MYT1L: variants seen among roughly 807,000 people sequenced by gnomAD.
MYT1L encodes myelin transcription factor 1 like.
In MYT1L, 12 loss-of-function variants were observed where a neutral mutation model predicts 126.7. That is an observed-to-expected ratio of 0.09 (90% CI 0.06 to 0.15). The LOEUF is 0.15. Among genes scored for constraint, MYT1L ranks in the 10% least tolerant of loss-of-function variants. MYT1L has a pLI of 1.00. For synonymous variants in MYT1L, 541 were observed against 604.2 expected (o/e 0.90, Z 1.53); for missense variants, 979 against 1,585.2 (o/e 0.62, Z 6.49).
chr2:1,994,282 C>A (rs999161140), intron 5 of MYT1L, among the ~76,000 whole-genome samples: 1 of 152,102 alleles, frequency 6.6e-6, no homozygotes, highest in East Asian at 1.9e-4. Flanking sequence ...CTCCCTCCTC[C>A]CAGCGAGTCC....
At chr2:2,106,150 C>A (rs952968968) in intron 3 of MYT1L, among the ~76,000 whole-genome samples, 4 of 152,166 alleles carry the variant, frequency 2.6e-5, no homozygotes, top group Admixed American at 1.3e-4. Context: ...CGACCAGAAG[C>A]CCCGAGCAAA....
At chr2:2,120,979 G>A (rs2080913311) in intron 3 of MYT1L, among the ~76,000 whole-genome samples, 1 of 152,160 alleles carries the variant, frequency 6.6e-6, no homozygotes, top group South Asian at 2.1e-4. Flanking sequence ...ACGGCCACCA[G>A]GTGGCGATGG....
chr2:1,857,030 C>G (rs754409951), intron 18 of MYT1L, among the ~76,000 whole-genome samples: 19 of 152,198 alleles, frequency 1.2e-4, no homozygotes, highest in Non-Finnish European at 2.6e-4. Context: ...CACGCGGAGG[C>G]TCAGAGGCCA....
At chr2:1,921,227 T>C (rs780525972) in intron 10 of MYT1L, among the ~76,000 whole-genome samples, 20 of 152,288 alleles carry the variant, frequency 1.3e-4, no homozygotes, top group Non-Finnish European at 2.6e-4. Flanking sequence ...GGTGCTAACA[T>C]AGAGGGATTT....
intron 19 of MYT1L, among the ~76,000 whole-genome samples, chr2:1,847,778 A>G (rs952059152): frequency 6.6e-6 from 1 of 152,232 alleles, no homozygotes; most frequent in Admixed American, 6.5e-5. Flanking sequence ...CTGTTCACTG[A>G]GGACGGAGAG....
chr2:2,303,292 C>T (rs187692906), intron 1 of MYT1L, among the ~76,000 whole-genome samples: 9 of 152,256 alleles, frequency 5.9e-5, no homozygotes, highest in South Asian at 4.1e-4. Context: ...CTTGGCGGGC[C>T]GAGCCCTGTA....
At chr2:1,838,958 G>A (rs1191352625) in intron 21 of MYT1L, among the ~76,000 whole-genome samples, 191 bp downstream of exon 21, 1 of 152,252 alleles carries the variant, frequency 6.6e-6, no homozygotes, top group African/African-American at 2.4e-5. Context: ...GCTCCCTAAT[G>A]TAAGTTTAAG....
intron 1 of MYT1L, among the ~76,000 whole-genome samples, chr2:2,307,284 T>C (rs2095871280): frequency 6.6e-6 from 1 of 152,182 alleles, no homozygotes; most frequent in Non-Finnish European, 1.5e-5. Context: ...AGCTGTACTT[T>C]GCAATAATTG....
chr2:2,236,615 A>G (rs1487714308), intron 2 of MYT1L, among the ~76,000 whole-genome samples: 1 of 134,424 alleles, frequency 7.4e-6, no homozygotes, highest in Admixed American at 8.0e-5. Flanking sequence ...AGCACATCCC[A>G]ACCCAGCCCA....
At chr2:2,144,200 G>C (rs2084513466) in intron 3 of MYT1L, among the ~76,000 whole-genome samples, 1 of 152,138 alleles carries the variant, frequency 6.6e-6, no homozygotes, top group South Asian at 2.1e-4. Flanking sequence ...AGGTGGGGGT[G>C]GGGGAGGTTT....
intron 22 of MYT1L, among the ~76,000 whole-genome samples, chr2:1,803,896 A>G (rs2035265430): frequency 6.6e-6 from 1 of 152,166 alleles, no homozygotes; most frequent in Non-Finnish European, 1.5e-5. Flanking sequence ...GATTCTGTAG[A>G]GCTGTCCACA....
rs75337474 is a variant in MYT1L at position 1,872,222 on chromosome 2, C to T, written c.2711+14317G>A. On this transcript the variant is annotated intron_variant, in intron 18 of 24. Coordinates refer to ENST00000647738, the MANE Select transcript of MYT1L (RefSeq NM_001303052.2). ...ATCATTGTCTCGGAGAGCTATGTTC[C>T]GACCCCCAGTCATCCACCAGGGCAT... Among the ~76,000 whole-genome samples, 586 of 152,236 alleles carry T rather than the reference C, an allele frequency of 3.8e-3. 1 individual carries two copies. The highest frequency in any genetic ancestry group is 7.1e-3 in the Non-Finnish European group (483 of 68,024).
chr2:2,085,083 C>T (rs889373004), intron 3 of MYT1L, among the ~76,000 whole-genome samples: 2 of 152,136 alleles, frequency 1.3e-5, no homozygotes, highest in Non-Finnish European at 1.5e-5. Flanking sequence ...TTCACCTCTG[C>T]CCTCTCATGG....
At position 2,165,403 on chromosome 2, in the gene MYT1L, A is replaced by T. The variant is rs144032762; in HGVS notation, c.-304+7469T>A. ...CCACATGCCACACACATTTTCCTGA[A>T]CCTCACAGACATTGTGGCAAGCTCA... On this transcript the variant is annotated intron_variant, in intron 3 of 24. Coordinates refer to ENST00000647738, the MANE Select transcript of MYT1L (RefSeq NM_001303052.2). Among the ~76,000 whole-genome samples, 869 of 152,176 alleles carry T rather than the reference A, an allele frequency of 5.7e-3. 8 individuals are homozygous for T. Among genetic ancestry groups the T allele is most frequent in the African/African-American group, 0.019 (801 of 41,508 alleles).
intron 8 of MYT1L, among the ~76,000 whole-genome samples, chr2:1,960,068 C>T (rs1481433515): frequency 6.6e-6 from 1 of 152,174 alleles, no homozygotes; most frequent in Non-Finnish European, 1.5e-5. Context: ...TAAGATGGAG[C>T]ACACGGGAGA....
chr2:1,984,583 C>T (rs910734239), intron 5 of MYT1L, among the ~76,000 whole-genome samples: 3 of 145,384 alleles, frequency 2.1e-5, no homozygotes, highest in African/African-American at 7.8e-5. Flanking sequence ...TATCTGGGCT[C>T]ACTACAAGCT....
intron 8 of MYT1L, among the ~76,000 whole-genome samples, chr2:1,948,911 AT>A (rs2057482433): frequency 6.6e-6 from 1 of 152,122 alleles, no homozygotes; most frequent in African/African-American, 2.4e-5. Flanking sequence ...TCTTTTTATG[AT>A]ATAAATCTAA....
chr2:2,319,683 C>T (rs1166226196), intron 1 of MYT1L, among the ~76,000 whole-genome samples: 1 of 151,998 alleles, frequency 6.6e-6, no homozygotes, highest in African/African-American at 2.4e-5. Context: ...CATAAGAATG[C>T]TTTAATCTAT....
intron 2 of MYT1L, among the ~76,000 whole-genome samples, chr2:2,250,560 CAAAAA>C (rs1230829158): frequency 1.1e-5 from 1 of 90,754 alleles, no homozygotes. Context: ...TGAAAGGGTA[CAAAAA>C]AAAAAAAAAA....
Sources: gnomAD v4.1 joint callset for allele counts (sites outside exome capture counted in the v4.1 genomes callset) on GRCh38, gnomAD v4.1.1 for gene constraint, MANE v1.5 for transcripts, NCBI Gene and HGNC (gene_info 2026-07-23, HGNC 2026-07-21) for gene names.